The following CLCNKB variants were observed in gnomAD, a reference collection of about 807,000 sequenced individuals.
CLCNKB encodes chloride voltage-gated channel Kb.
A neutral mutation model predicts 83.8 loss-of-function variants in CLCNKB; 74 were observed. The ratio of observed to expected loss-of-function variants is 0.88; its 90% CI spans 0.73 to 1.07. The LOEUF (loss-of-function observed/expected upper bound fraction) is 1.07, where lower values mean the gene tolerates loss of function less well. Among genes scored for constraint, CLCNKB ranks in the 50% least tolerant of loss-of-function variants. CLCNKB has a pLI of 0.00. For synonymous variants in CLCNKB, 358 were observed against 356.6 expected (o/e 1.00, Z -0.04); for missense variants, 798 against 893.6 (o/e 0.89, Z 1.36).
chr1:16,049,338 T>G (rs866201279), intron 8 of CLCNKB, 93 bp downstream of exon 8: 44 of 1,562,382 alleles, frequency 2.8e-5, no homozygotes, highest in Admixed American at 5.9e-5. Flanking sequence ...TTGCTCTTCC[T>G]TTCCCTCTCT....
In CLCNKB at chr1:16,049,817, G is replaced by C; in HGVS notation, c.869G>C (p.Gly290Ala). The C allele has an allele frequency of 6.2e-7, 1 of 1,613,850 alleles. No homozygotes were observed. Among genetic ancestry groups the C allele is most frequent in the Non-Finnish European group, 8.5e-7 (1 of 1,179,896 alleles). ...GCTCATGTCTCCATGCTCCCCAGGG[G>C]TCTCTGTGGCATCCTGGGCAGCGCT... is the stretch of plus-strand genomic sequence containing the variant. ...PEIFFFVALG[G>A]LCGILGSAYL... Residue 290 changes from glycine to alanine, a missense_variant and splice_region_variant, in exon 10 of 20, where the codon GGT becomes GCT. By Grantham distance (60) the Gly-to-Ala change is moderately conservative. Coordinates refer to ENST00000375679, the MANE Select transcript of CLCNKB (RefSeq NM_000085.5).
intron 16 of CLCNKB, 81 bp downstream of exon 16, chr1:16,053,853 T>G (rs2023368273): frequency 6.4e-7 from 1 of 1,565,980 alleles, no homozygotes; most frequent in African/African-American, 1.4e-5. Flanking sequence ...GCAGACAGGA[T>G]CTGCATCCAG....
intron 1 of CLCNKB, 117 bp from the exon 2 acceptor site, chr1:16,044,369 A>AC: frequency 2.6e-6 from 2 of 778,214 alleles, no homozygotes; most frequent in Non-Finnish European, 4.4e-6. Context: ...ACACACACAC[A>AC]CACACACACG....
Position 16,051,814 on chromosome 1 carries a change from C to T in CLCNKB, c.1402C>T (p.Leu468=), listed in dbSNP as rs1424328306. 2 of 1,612,774 alleles carry T rather than the reference C, an allele frequency of 1.2e-6. No homozygotes were observed. The highest frequency in any genetic ancestry group is 1.7e-6 in the Non-Finnish European group (2 of 1,179,046). The change falls in exon 14 of 20, where the codon CTG becomes TTG. Residue 468 remains leucine, a synonymous_variant. Transcript: ENST00000375679. ...TCCCATCATGCCAGGGGGGTATGCT[C>T]TGGCAGGTGAGTGGGTCAGGGGCCT... ...TNPIMPGGYA[L]AGAAAFSGAV... is the part of the protein sequence containing the mutation.
chr1:16,055,575 T>A (rs750691735), intron 17 of CLCNKB, 52 bp downstream of exon 17: 6 of 1,540,418 alleles, frequency 3.9e-6, no homozygotes, highest in African/African-American at 1.4e-5. Context: ...TCAGCAGGAA[T>A]GGGAGGAGAG....
At chr1:16,055,340 C>A in intron 16 of CLCNKB, 95 bp from the exon 17 acceptor site, 1 of 1,001,866 alleles carries the variant, frequency 1.0e-6, no homozygotes, top group Non-Finnish European at 1.6e-6. Context: ...CCCATAGGAA[C>A]ACCAGAACAG....
rs79198735 is a variant in CLCNKB, at chr1:16,056,463, T to C, written c.1971T>C (p.Phe657=). The change falls in exon 19 of 20, where the codon TTT becomes TTC. Residue 657 remains phenylalanine, a synonymous_variant. Coordinates refer to ENST00000375679, the MANE Select transcript of CLCNKB (RefSeq NM_000085.5). The part of the protein sequence containing the change: ...LFELLNLHSL[F]VTSRGRAVGC... ...AGCTGTTGAACCTTCATTCCCTCTT[T>C]GTGACGTCGCGGGGCAGAGCTGTGG... 1,018 of 1,613,292 alleles carry C rather than the reference T, an allele frequency of 6.3e-4. 12 individuals carry two copies. In the East Asian group the frequency reaches 0.015, roughly 24 times the overall value.
At chr1:16,047,489 A>C (rs1388872051) in intron 4 of CLCNKB, among the ~76,000 whole-genome samples, 2 of 150,212 alleles carry the variant, frequency 1.3e-5, no homozygotes, top group African/African-American at 5.0e-5. Flanking sequence ...AAGGAATCCT[A>C]ACCCAGCTGG....
chr1:16,050,872 C>T lies in CLCNKB; in HGVS notation c.1054-3C>T. The T allele has an allele frequency of 6.2e-7, 1 of 1,611,814 alleles. No individual in the cohort carries two copies. The highest frequency in any genetic ancestry group is 8.5e-7 in the Non-Finnish European group (1 of 1,179,932). ...TGTCCAGTTCCCACCTGCCCCGCCA[C>T]AGCTGTCCATGAAGCAGCATCTGGA... On this transcript the variant is annotated splice_polypyrimidine_tract_variant and splice_region_variant and intron_variant, in intron 11 of 19. Transcript: ENST00000375679.
intron 19 of CLCNKB, 35 bp from the exon 20 acceptor site, chr1:16,056,834 T>G (rs763495027): frequency 1.3e-5 from 10 of 764,318 alleles, no homozygotes; most frequent in Non-Finnish European, 1.9e-5. Flanking sequence ...CTCCTCTACA[T>G]CCCCCCGCAC....
chr1:16,056,897 A>G lies in CLCNKB; in HGVS notation c.2045A>G (p.Asn682Ser), dbSNP rs1282230525. The G allele has an allele frequency of 5.7e-6, 9 of 1,591,062 alleles. No homozygotes were observed. The highest frequency in any genetic ancestry group is 7.7e-6 in the Non-Finnish European group (9 of 1,167,354). Residue 682 changes from asparagine to serine, a missense_variant, in exon 20 of 20, where the codon AAT (asparagine) becomes AGT (serine). Coordinates refer to ENST00000375679, the MANE Select transcript of CLCNKB (RefSeq NM_000085.5). ...AAGAAAGCAATTTCCAACCTGACAA[A>G]TCCGCCAGCCCCAAAGTGAGCCGGC... ...EMKKAISNLT[N>S]PPAPK
chr1:16,051,863 C>T, intron 14 of CLCNKB, 43 bp downstream of exon 14: 3 of 1,515,718 alleles, frequency 2.0e-6, no homozygotes, highest in Non-Finnish European at 2.7e-6. Flanking sequence ...TGTCGTGCGG[C>T]TGGGCTGGAC....
Position 16,053,297 on chromosome 1 carries a change from G to C in CLCNKB, c.1623-342G>C, listed in dbSNP as rs2023347594. Among the ~76,000 whole-genome samples the C allele has an allele frequency of 2.0e-5, 3 of 152,222 alleles. No individual in the cohort carries two copies. In the South Asian group the frequency reaches 6.2e-4, roughly 32 times the overall value. On this transcript the variant is annotated intron_variant, in intron 15 of 19. Transcript: ENST00000375679. The stretch of plus-strand genomic sequence containing the variant: ...CCTGGCTTGGCCTCCCAAAGTGCTG[G>C]GATTACAGGCGTGAGCCACCGTGCC...
chr1:16,053,838 G>A, intron 16 of CLCNKB, 66 bp downstream of exon 16: 2 of 1,601,368 alleles, frequency 1.2e-6, no homozygotes, highest in Non-Finnish European at 1.7e-6. Context: ...TCTTGAACCT[G>A]TCAGGCAGAC....
chr1:16,047,785 T>G, intron 4 of CLCNKB, 120 bp from the exon 5 acceptor site: 1 of 1,195,108 alleles, frequency 8.4e-7, no homozygotes, highest in South Asian at 1.4e-5. Context: ...AAAATAATCC[T>G]AACTTCAGAG....
At chr1:16,045,908 T>C (rs1157428607) in intron 3 of CLCNKB, among the ~76,000 whole-genome samples, 1 of 152,168 alleles carries the variant, frequency 6.6e-6, no homozygotes, top group Non-Finnish European at 1.5e-5. Context: ...GGCCTGAATG[T>C]TCCCAAGAGC....
chr1:16,055,261 A>C (rs2023403266), intron 16 of CLCNKB, among the ~76,000 whole-genome samples, 174 bp from the exon 17 acceptor site: 1 of 152,146 alleles, frequency 6.6e-6, no homozygotes, highest in Non-Finnish European at 1.5e-5. Context: ...GGGCAAGACA[A>C]TTAGCCTCTC....
chr1:16,047,437 C>A (rs1181724752), intron 4 of CLCNKB, among the ~76,000 whole-genome samples: 1 of 125,738 alleles, frequency 8.0e-6, no homozygotes, highest in African/African-American at 2.9e-5. Context: ...AGAGTGAGAC[C>A]CCTGTCTGAA....
chr1:16,048,354 G>C lies in CLCNKB; in HGVS notation c.510G>C (p.Val170=), dbSNP rs34591564. The change falls in exon 6 of 20, where the codon GTG becomes GTC. Residue 170 remains valine, a synonymous_variant. Transcript: ENST00000375679. ...TLFLGKVGPF[V]HLSVMMAAYL... ...CCTTCTCTCTGCAGGGCCCTTTCGTGCACCTGTCTGTGATGATGGCTGCCT... is the reference window on the plus strand; with the variant it reads ...CCTTCTCTCTGCAGGGCCCTTTCGTCCACCTGTCTGTGATGATGGCTGCCT... 1.2e-3 allele frequency: 1,867 copies of C among 1,614,048 alleles called. 18 individuals carry two copies. In the African/African-American group the frequency reaches 0.017, roughly 15 times the overall value.
Sources: gnomAD v4.1 joint callset for allele counts (sites outside exome capture counted in the v4.1 genomes callset) on GRCh38, gnomAD v4.1.1 for gene constraint, MANE v1.5 for transcripts, NCBI Gene and HGNC (gene_info 2026-07-23, HGNC 2026-07-21) for gene names.